PDE10A: variants seen among roughly 807,000 people sequenced by gnomAD.
PDE10A encodes phosphodiesterase 10A.
PDE10A carries 39 observed loss-of-function variants against 97.7 expected under a neutral mutation model. The observed-to-expected ratio is 0.40, with a 90% CI of 0.31 to 0.52. The LOEUF is 0.52. Ranked by LOEUF, PDE10A falls within the 20% of genes least tolerant of loss-of-function variation. The pLI, the probability that PDE10A is intolerant of heterozygous loss-of-function variation, is 0.56. For synonymous variants in PDE10A, 371 were observed against 376.8 expected, an observed-to-expected ratio of 0.98 and a Z score of 0.18; for missense variants, 731 against 1,047.8, an observed-to-expected ratio of 0.70 and a Z score of 4.17.
chr6:165,542,232 A>T (rs914713080), intron 2 of PDE10A, among the ~76,000 whole-genome samples: 2 of 152,220 alleles, frequency 1.3e-5, no homozygotes, highest in African/African-American at 4.8e-5. Context: ...TCACAATAAA[A>T]ACAATATTCA....
At position 165,343,514 on chromosome 6, in the gene PDE10A, C is replaced by T; in HGVS notation, c.2784-12G>A. On this transcript the variant is annotated splice_polypyrimidine_tract_variant and intron_variant, in intron 18 of 21. Transcript: ENST00000539869. ...CAATTACACGGTCTCTAGAACACAACAATATAAGACTGGTCAGCATAGCAT... is the reference window on the plus strand; with the variant it reads ...CAATTACACGGTCTCTAGAACACAATAATATAAGACTGGTCAGCATAGCAT... 7 of 1,552,600 alleles carry T rather than the reference C, an allele frequency of 4.5e-6. No individual in the cohort carries two copies. The highest frequency in any genetic ancestry group is 5.3e-6 in the Non-Finnish European group (6 of 1,124,074).
At chr6:165,680,656 C>T (rs905347737) in intron 1 of PDE10A, among the ~76,000 whole-genome samples, 5 of 152,212 alleles carry the variant, frequency 3.3e-5, no homozygotes, top group African/African-American at 1.2e-4. Flanking sequence ...GTAATCCCAG[C>T]ACTTTGGGAG....
At chr6:165,475,692 T>G (rs1779254673) in intron 3 of PDE10A, among the ~76,000 whole-genome samples, 1 of 152,242 alleles carries the variant, frequency 6.6e-6, no homozygotes, top group Non-Finnish European at 1.5e-5. Flanking sequence ...AACAGGGCCC[T>G]GTATTTAGAA....
At chr6:165,459,571 A>AG (rs1778193766) in intron 3 of PDE10A, among the ~76,000 whole-genome samples, 1 of 125,352 alleles carries the variant, frequency 8.0e-6, no homozygotes, top group African/African-American at 3.4e-5. Flanking sequence ...ATAGATAGAT[A>AG]ATGATAGATA....
intron 20 of PDE10A, among the ~76,000 whole-genome samples, chr6:165,336,569 G>A (rs1781661717): frequency 6.6e-6 from 1 of 151,610 alleles, no homozygotes; most frequent in South Asian, 2.1e-4. Flanking sequence ...CTAACAAGGT[G>A]AAACCCCGTC....
rs2128427960 is a variant in PDE10A at position 165,655,862 on chromosome 6, T to C, written c.865+6085A>G. 6.6e-6 allele frequency among the ~76,000 whole-genome samples: 1 copy of C among 152,088 alleles called. No individual in the cohort carries two copies. The highest frequency in any genetic ancestry group is 1.5e-5 in the Non-Finnish European group (1 of 67,990). The stretch of plus-strand genomic sequence containing the variant: ...GGTGGGCTCAGCTCCAGCACGGCCG[T>C]CACCCCGCTCCTCTGCCTTGTGAGC... On this transcript the variant is annotated intron_variant, in intron 1 of 21. Coordinates refer to ENST00000539869, the MANE Select transcript of PDE10A (RefSeq NM_001385079.1). The surrounding 1 kb of genome is among the most constrained non-coding windows in gnomAD (Gnocchi z 4.5).
intron 1 of PDE10A, among the ~76,000 whole-genome samples, chr6:165,681,776 T>C (rs1273881991): frequency 6.6e-6 from 1 of 152,118 alleles, no homozygotes; most frequent in East Asian, 1.9e-4. Context: ...CCTGAATGGG[T>C]TGGTTTTACA....
intron 1 of PDE10A, among the ~76,000 whole-genome samples, chr6:165,686,540 G>A (rs1236218202): frequency 3.3e-5 from 5 of 152,218 alleles, no homozygotes; most frequent in African/African-American, 9.6e-5. Context: ...TGAGCACAGA[G>A]GTCTTGCAGG....
chr6:165,478,347 T>A (rs551202333), intron 3 of PDE10A, among the ~76,000 whole-genome samples: 27 of 152,134 alleles, frequency 1.8e-4, no homozygotes, highest in Non-Finnish European at 3.7e-4. Flanking sequence ...TGAAAGACTG[T>A]CCTCTTAGCC....
chr6:165,602,332 G>C (rs1365497866), intron 1 of PDE10A, among the ~76,000 whole-genome samples: 1 of 152,134 alleles, frequency 6.6e-6, no homozygotes, highest in Non-Finnish European at 1.5e-5. Flanking sequence ...CTAGGAGGCA[G>C]CTACCAGCCC....
At chr6:165,380,265 C>CT (rs1407252630) in intron 17 of PDE10A, among the ~76,000 whole-genome samples, 2 of 152,134 alleles carry the variant, frequency 1.3e-5, no homozygotes, top group Non-Finnish European at 2.9e-5. Flanking sequence ...TAGTACTACT[C>CT]TAAGTTGATT....
intron 1 of PDE10A, chr6:165,754,085 A>T (rs1403863047): frequency 6.6e-6 from 1 of 152,216 alleles, no homozygotes; most frequent in Non-Finnish European, 1.5e-5. Flanking sequence ...AACAAGCCAC[A>T]AGTAGCATTT....
intron 1 of PDE10A, among the ~76,000 whole-genome samples, chr6:165,896,241 A>C (rs2128483294): frequency 6.6e-6 from 1 of 152,244 alleles, no homozygotes; most frequent in Non-Finnish European, 1.5e-5. Context: ...AGCTAATACA[A>C]CACAGATCTT....
intron 2 of PDE10A, among the ~76,000 whole-genome samples, chr6:165,498,342 G>A (rs1780659067): frequency 7.1e-6 from 1 of 141,376 alleles, no homozygotes; most frequent in African/African-American, 2.6e-5. Flanking sequence ...AGGATCACTT[G>A]AGCCCAGGAG....
At chr6:165,380,073 T>C (rs527987540) in intron 17 of PDE10A, among the ~76,000 whole-genome samples, 18 of 152,330 alleles carry the variant, frequency 1.2e-4, no homozygotes, top group African/African-American at 4.3e-4. Flanking sequence ...GCTCAGAATA[T>C]CCTTCGTGTA....
chr6:165,930,787 G>T (rs533608154), intron 1 of PDE10A, among the ~76,000 whole-genome samples: 265 of 152,312 alleles, frequency 1.7e-3, no homozygotes, highest in Non-Finnish European at 3.5e-3. Flanking sequence ...GTTAACGAGG[G>T]CCGAGGCTGT....
intron 3 of PDE10A, among the ~76,000 whole-genome samples, chr6:165,457,416 G>T (rs888960900): frequency 1.3e-5 from 2 of 152,152 alleles, no homozygotes; most frequent in Non-Finnish European, 2.9e-5. Context: ...GTTCCACGCT[G>T]ATTTCATGTA....
At chr6:165,894,198 C>A in intron 1 of PDE10A, 1 of 414,694 alleles carries the variant, frequency 2.4e-6, no homozygotes, top group South Asian at 1.7e-5. Flanking sequence ...GAGTGCTTTC[C>A]GAAGGAGAGC....
chr6:165,985,073 G>C (rs1366052583), intron 1 of PDE10A, among the ~76,000 whole-genome samples: 1 of 152,192 alleles, frequency 6.6e-6, no homozygotes, highest in Admixed American at 6.5e-5. Context: ...CTCGGCCCCT[G>C]CCACAGCCGA....
Sources: allele counts gnomAD v4.1 joint callset (sites outside exome capture counted in the v4.1 genomes callset), GRCh38; gene constraint gnomAD v4.1.1; non-coding constraint Gnocchi (gnomAD v3.1); transcripts MANE v1.5; gene names NCBI Gene and HGNC (gene_info 2026-07-23, HGNC 2026-07-21).